Variants in MBD5 observed in about 807,000 individuals in gnomAD.
MBD5 encodes methyl-CpG binding domain protein 5.
MBD5 carries 13 observed loss-of-function variants against 117.3 expected under a neutral mutation model. The observed-to-expected ratio is 0.11, with a 90% CI of 0.07 to 0.18. The LOEUF is 0.18. Among genes scored for constraint, MBD5 ranks in the 10% least tolerant of loss-of-function variants. The pLI is 1.00. For missense variants in MBD5, 1,879 were observed against 2,093.8 expected, an observed-to-expected ratio of 0.90 and a Z score of 2.00; for synonymous variants, 727 against 766.4, an observed-to-expected ratio of 0.95 and a Z score of 0.85.
At chr2:148,385,777 G>T (rs1356715527) in intron 4 of MBD5, among the ~76,000 whole-genome samples, 3 of 108,014 alleles carry the variant, frequency 2.8e-5, no homozygotes, top group Admixed American at 1.8e-4. Context: ...ATACTATGCA[G>T]CCATAAAAAA....
At chr2:148,227,467 G>A (rs111988872) in intron 2 of MBD5, among the ~76,000 whole-genome samples, 9 of 152,184 alleles carry the variant, frequency 5.9e-5, no homozygotes, top group Admixed American at 2.6e-4. Flanking sequence ...TGTTCCATTG[G>A]TCTATATCTC....
chr2:148,384,707 A>G (rs2105469433), intron 4 of MBD5, among the ~76,000 whole-genome samples: 1 of 152,204 alleles, frequency 6.6e-6, no homozygotes. Flanking sequence ...CCTGACTTCA[A>G]ACTATATTAC....
At chr2:148,415,368 AC>A (rs1705385856) in intron 4 of MBD5, among the ~76,000 whole-genome samples, 1 of 152,122 alleles carries the variant, frequency 6.6e-6, no homozygotes, top group Admixed American at 6.5e-5. Flanking sequence ...TTTGTAGGTG[AC>A]CTGCCTCTTC....
chr2:148,178,777 GA>G lies in MBD5; in HGVS notation c.-845del. 1 of 398,432 alleles carries G rather than the reference GA, an allele frequency of 2.5e-6. No individual in the cohort carries two copies. The allele number at this position is 398,432 out of a possible 1,614,324, so 24.7% of individuals were successfully genotyped here. On this transcript the variant is annotated 5_prime_UTR_variant, in exon 2 of 14. Transcript: ENST00000642680. ...TTATGGTTTACAGACAAGATCTTTA[GA>G]AGATAAGCACTAAAGGTAAGTAGTA...
intron 1 of MBD5, among the ~76,000 whole-genome samples, chr2:148,050,396 T>C (rs1694662842): frequency 6.6e-6 from 1 of 152,194 alleles, no homozygotes; most frequent in Non-Finnish European, 1.5e-5. Context: ...CCTTTTCCAC[T>C]TTTTCGTGTT....
rs185892622 is a variant in MBD5 at position 148,437,046 on chromosome 2, G to A, written c.-556-21157G>A. ...CACCCAGTTTGGAGTGCAGTGGCAC[G>A]ATCTCGGCTCACTGCAACCTCCACC... On this transcript the variant is annotated intron_variant, in intron 4 of 13. Transcript: ENST00000642680. 8.8e-3 allele frequency among the ~76,000 whole-genome samples: 1,336 copies of A among 151,642 alleles called. 17 individuals are homozygous for A. Among genetic ancestry groups the A allele is most frequent in the Middle Eastern group, 0.024 (7 of 294 alleles).
At chr2:148,124,328 C>T (rs926229147) in intron 1 of MBD5, among the ~76,000 whole-genome samples, 4 of 150,814 alleles carry the variant, frequency 2.7e-5, no homozygotes, top group East Asian at 2.0e-4. Context: ...ACAAGAAAAC[C>T]CTGAAGGTTG....
chr2:148,512,817 T>G, intron 13 of MBD5, 53 bp from the exon 14 acceptor site: 1 of 1,519,324 alleles, frequency 6.6e-7, no homozygotes, highest in Non-Finnish European at 9.1e-7. Flanking sequence ...TTTATGGTGT[T>G]TGTGATTTCA....
At chr2:148,442,702 G>C (rs1706364771) in intron 4 of MBD5, among the ~76,000 whole-genome samples, 1 of 151,186 alleles carries the variant, frequency 6.6e-6, no homozygotes, top group Non-Finnish European at 1.5e-5. Flanking sequence ...ATATATAAAA[G>C]ATGGAAACTA....
At chr2:148,470,487 C>T (rs761206918) in intron 8 of MBD5, 26 bp downstream of exon 8, 1 of 1,548,194 alleles carries the variant, frequency 6.5e-7, no homozygotes, top group Non-Finnish European at 8.7e-7. Flanking sequence ...AAAAAAGTAC[C>T]CAAAGGTACT....
chr2:148,312,726 G>C (rs1181789185), intron 3 of MBD5, among the ~76,000 whole-genome samples: 1 of 152,122 alleles, frequency 6.6e-6, no homozygotes, highest in Non-Finnish European at 1.5e-5. Context: ...TGGAGGAGAA[G>C]CATTCTGGTT....
chr2:148,236,451 A>G (rs1198894353), intron 3 of MBD5, among the ~76,000 whole-genome samples: 1 of 152,166 alleles, frequency 6.6e-6, no homozygotes, highest in Non-Finnish European at 1.5e-5. Flanking sequence ...AAGCATGAGA[A>G]CAGCATGAAT....
intron 2 of MBD5, among the ~76,000 whole-genome samples, chr2:148,187,705 A>C (rs1049572066): frequency 2.6e-5 from 4 of 152,132 alleles, no homozygotes; most frequent in African/African-American, 9.7e-5. Context: ...AAAAACATCT[A>C]AAATGATGAC....
At chr2:148,201,993 G>C (rs1699156237) in intron 2 of MBD5, among the ~76,000 whole-genome samples, 1 of 152,146 alleles carries the variant, frequency 6.6e-6, no homozygotes, top group African/African-American at 2.4e-5. Flanking sequence ...TCCGGTCCTT[G>C]GATTTACCTG....
At chr2:148,278,123 T>C (rs1358964146) in intron 3 of MBD5, among the ~76,000 whole-genome samples, 1 of 152,212 alleles carries the variant, frequency 6.6e-6, no homozygotes, top group Non-Finnish European at 1.5e-5. Context: ...CGGAATGTCA[T>C]ATAAACATAA....
At chr2:148,221,416 C>G (rs747288228) in intron 2 of MBD5, among the ~76,000 whole-genome samples, 1 of 152,110 alleles carries the variant, frequency 6.6e-6, no homozygotes, top group Non-Finnish European at 1.5e-5. Flanking sequence ...CACATCCTTG[C>G]CAGCATTTGT....
At chr2:148,328,294 G>A (rs1433432011) in intron 3 of MBD5, among the ~76,000 whole-genome samples, 1 of 152,132 alleles carries the variant, frequency 6.6e-6, no homozygotes, top group South Asian at 2.1e-4. Context: ...CTGTCTTTTT[G>A]TTTGTCTGTG....
At chr2:148,273,520 C>G (rs1190102525) in intron 3 of MBD5, among the ~76,000 whole-genome samples, 1 of 152,078 alleles carries the variant, frequency 6.6e-6, no homozygotes, top group Admixed American at 6.6e-5. Flanking sequence ...GACCAGTAAC[C>G]CCTACCAAGA....
chr2:148,347,535 C>G (rs1272396600), intron 4 of MBD5: 2 of 151,916 alleles, frequency 1.3e-5, no homozygotes, highest in Non-Finnish European at 2.9e-5. Flanking sequence ...ATTCCCTGAG[C>G]AAGTAAGCCC....
Sources: allele counts gnomAD v4.1 joint callset (sites outside exome capture counted in the v4.1 genomes callset), GRCh38; gene constraint gnomAD v4.1.1; transcripts MANE v1.5; gene names NCBI Gene and HGNC (gene_info 2026-07-23, HGNC 2026-07-21).